Variants in SCLT1 observed in about 807,000 individuals in gnomAD.
SCLT1 encodes sodium channel and clathrin linker 1, also known as sodium channel-associated protein 1.
Under a neutral mutation model 112.8 loss-of-function variants are expected in SCLT1, and 78 were observed. The observed-to-expected ratio is 0.69, with a 90% CI of 0.58 to 0.83. The LOEUF (loss-of-function observed/expected upper bound fraction) is 0.83, where lower values mean the gene tolerates loss of function less well. Among genes scored for constraint, SCLT1 ranks in the 40% least tolerant of loss-of-function variants. The probability of loss-of-function intolerance (pLI) is 0.00; values close to 1 mark genes in which losing one functional copy is unlikely to be tolerated. For synonymous variants in SCLT1, 257 were observed against 254.7 expected (o/e 1.01, Z -0.09); for missense variants, 747 against 770.4 (o/e 0.97, Z 0.36).
chr4:129,092,978 A>G (rs1292610880), intron 1 of SCLT1, 92 bp downstream of exon 1: 4 of 947,148 alleles, frequency 4.2e-6, no homozygotes, highest in Non-Finnish European at 6.9e-6. Context: ...ACCAATTTAA[A>G]TGTACCCAAC....
intron 2 of SCLT1, among the ~76,000 whole-genome samples, chr4:129,068,637 C>T (rs1167135125): frequency 1.3e-5 from 2 of 151,766 alleles, no homozygotes; most frequent in Non-Finnish European, 2.9e-5. Flanking sequence ...CTTTTCTTGC[C>T]CATTTGTTTG....
At chr4:128,911,304 A>C (rs946486904) in intron 18 of SCLT1, among the ~76,000 whole-genome samples, 2 of 152,124 alleles carry the variant, frequency 1.3e-5, no homozygotes, top group African/African-American at 4.8e-5. Flanking sequence ...AATAACAACA[A>C]TCTCTCATTT....
chr4:128,909,857 C>T (rs1393076303), intron 18 of SCLT1, among the ~76,000 whole-genome samples: 3 of 152,114 alleles, frequency 2.0e-5, no homozygotes, highest in African/African-American at 7.2e-5. Context: ...TAAAATATGG[C>T]AGAGAAAAGA....
chr4:128,918,909 A>G (rs1735670655), intron 18 of SCLT1, among the ~76,000 whole-genome samples: 1 of 152,324 alleles, frequency 6.6e-6, no homozygotes, highest in Admixed American at 6.5e-5. Context: ...CTAGCACAGG[A>G]GCACCCAGGT....
intron 5 of SCLT1, among the ~76,000 whole-genome samples, chr4:129,015,527 T>A (rs1049276400): frequency 2.0e-5 from 3 of 152,148 alleles, no homozygotes; most frequent in African/African-American, 7.2e-5. Context: ...CCCCTAGGGC[T>A]TAAGTCTCCT....
chr4:129,082,349 C>G lies in SCLT1; in HGVS notation c.59G>C (p.Arg20Thr), dbSNP rs946175004. Reference sequence around the variant, plus strand: ...GGAAAAACTTTCCATTTGATACCGCCTAAAATCTTCATTTAGTCTTCGATC... The same window carrying G: ...GGAAAAACTTTCCATTTGATACCGCGTAAAATCTTCATTTAGTCTTCGATC... ...EQNRRLNEDF[R>T]RYQMESFSKY... The change falls in exon 2 of 21, where the codon AGG becomes ACG. Residue 20 changes from arginine to threonine, a missense_variant. By Grantham distance (71) the Arg-to-Thr change is moderately conservative. Coordinates refer to ENST00000281142, the MANE Select transcript of SCLT1 (RefSeq NM_144643.4). The G allele has an allele frequency of 3.4e-5, 54 of 1,593,108 alleles. No individual in the cohort carries two copies. Among genetic ancestry groups the G allele is most frequent in the Non-Finnish European group, 4.5e-5 (53 of 1,166,070 alleles).
chr4:129,004,006 TAAAAA>T, intron 5 of SCLT1, 130 bp from the exon 6 acceptor site: 2 of 789,374 alleles, frequency 2.5e-6, no homozygotes, highest in Non-Finnish European at 2.1e-6. Context: ...AGACTTCAAA[TAAAAA>T]ATTAGAAGTG....
Position 128,958,658 on chromosome 4 carries a change from C to G in SCLT1, c.1047+942G>C, listed in dbSNP as rs191735083. Reference sequence around the variant, plus strand: ...AAATTTTTTCTTGACCTTAATTTTTCCAGCTGATTTAGGTATTCGACACAA... The same window carrying G: ...AAATTTTTTCTTGACCTTAATTTTTGCAGCTGATTTAGGTATTCGACACAA... On this transcript the variant is annotated intron_variant, in intron 12 of 20. Coordinates refer to ENST00000281142, the MANE Select transcript of SCLT1 (RefSeq NM_144643.4). 8.0e-4 allele frequency among the ~76,000 whole-genome samples: 121 copies of G among 152,164 alleles called. 1 individual carries two copies. In the Middle Eastern group the frequency reaches 0.031, roughly 38 times the overall value.
chr4:128,952,628 T>C (rs1296209463), intron 14 of SCLT1, 141 bp downstream of exon 14: 27 of 652,784 alleles, frequency 4.1e-5, no homozygotes, highest in South Asian at 3.9e-4. Flanking sequence ...CATGTCTATC[T>C]GGATTTTCAC....
intron 2 of SCLT1, among the ~76,000 whole-genome samples, chr4:129,051,985 C>T (rs189773353): frequency 1.6e-4 from 24 of 152,194 alleles, no homozygotes; most frequent in Non-Finnish European, 2.8e-4. Flanking sequence ...TTGAGATAAT[C>T]GTGTGGTTTT....
rs371595364 is a variant in SCLT1 at position 128,914,267 on chromosome 4, G to A, written c.1829+22388C>T. On this transcript the variant is annotated intron_variant, in intron 18 of 20. Coordinates refer to ENST00000281142, the MANE Select transcript of SCLT1 (RefSeq NM_144643.4). ...TGTAGTCTCAGCTACTCTGGAGGCT[G>A]AGGCAAGAGAATGGCATGAACCCAG... Among the ~76,000 whole-genome samples, 14 of 152,010 alleles carry A rather than the reference G, an allele frequency of 9.2e-5. No individual in the cohort carries two copies. In the East Asian group the frequency reaches 9.7e-4, roughly 10 times the overall value.
Position 128,948,517 on chromosome 4 carries a change from T to C in SCLT1, c.1272A>G (p.Ala424=), listed in dbSNP as rs745745755. 6.2e-7 allele frequency: 1 copy of C among 1,608,690 alleles called. No homozygotes were observed. Among genetic ancestry groups the C allele is most frequent in the Non-Finnish European group, 8.5e-7 (1 of 1,176,606 alleles). Reference sequence around the variant, plus strand: ...TTACCTTTTCTAGTTCTTCTTCCACTGCTTTTTTTTCCTTAATGACTCGTT... The same window carrying C: ...TTACCTTTTCTAGTTCTTCTTCCACCGCTTTTTTTTCCTTAATGACTCGTT... ...QIERVIKEKK[A]VEEELEKIYR... The change falls in exon 15 of 21, where the codon GCA becomes GCG. Residue 424 remains alanine, a synonymous_variant. Transcript: ENST00000281142.
At position 129,014,111 on chromosome 4, in the gene SCLT1, T is replaced by C. The variant is rs74525418; in HGVS notation, c.291-10235A>G. Among the ~76,000 whole-genome samples, 447 of 152,344 alleles carry C rather than the reference T, an allele frequency of 2.9e-3. 3 individuals carry two copies. The highest frequency in any genetic ancestry group is 4.1e-3 in the Non-Finnish European group (279 of 68,032). On this transcript the variant is annotated intron_variant, in intron 5 of 20. Transcript: ENST00000281142. ...ACTTGATCTATTCTGCTTTTAATACTTGTGATTGCATTATAAAATTATTGT... is the reference window on the plus strand; with the variant it reads ...ACTTGATCTATTCTGCTTTTAATACCTGTGATTGCATTATAAAATTATTGT...
At chr4:129,004,286 A>G (rs1743798122) in intron 5 of SCLT1, among the ~76,000 whole-genome samples, 1 of 152,110 alleles carries the variant, frequency 6.6e-6, no homozygotes, top group African/African-American at 2.4e-5. Flanking sequence ...ATTATTTGCT[A>G]TTTTCTTCAG....
Position 128,918,034 on chromosome 4 carries a change from G to T in SCLT1, c.1829+18621C>A, listed in dbSNP as rs79349920. 6.0e-3 allele frequency among the ~76,000 whole-genome samples: 919 copies of T among 152,230 alleles called. 8 individuals carry two copies. Among genetic ancestry groups the T allele is most frequent in the African/African-American group, 0.021 (881 of 41,540 alleles). On this transcript the variant is annotated intron_variant, in intron 18 of 20. Transcript: ENST00000281142. ...TATTCTTCTGTGGCCACAGACCACA[G>T]ATACACCTCAAAATTAACAAAGCCC...
At chr4:128,955,702 C>T (rs1273000956) in intron 13 of SCLT1, among the ~76,000 whole-genome samples, 1 of 152,100 alleles carries the variant, frequency 6.6e-6, no homozygotes, top group African/African-American at 2.4e-5. Context: ...GGGTATTAAA[C>T]TTGTAATTTT....
At chr4:128,896,339 G>A (rs1390746622) in intron 18 of SCLT1, among the ~76,000 whole-genome samples, 1 of 152,096 alleles carries the variant, frequency 6.6e-6, no homozygotes, top group East Asian at 1.9e-4. Flanking sequence ...CCAGAGGAAC[G>A]AACAGGCAGC....
chr4:128,994,870 T>C (rs1352560860), intron 8 of SCLT1, among the ~76,000 whole-genome samples: 2 of 152,118 alleles, frequency 1.3e-5, no homozygotes, highest in Non-Finnish European at 2.9e-5. Context: ...TTTTTTTGTG[T>C]GTCTTTTGTT....
chr4:128,935,384 C>T (rs954105891), intron 18 of SCLT1, among the ~76,000 whole-genome samples: 1 of 151,942 alleles, frequency 6.6e-6, no homozygotes, highest in Non-Finnish European at 1.5e-5. Context: ...ATTCTCAGTC[C>T]TTACCTTACT....
Sources: allele counts gnomAD v4.1 joint callset (sites outside exome capture counted in the v4.1 genomes callset), GRCh38; gene constraint gnomAD v4.1.1; transcripts MANE v1.5; gene names NCBI Gene and HGNC (gene_info 2026-07-23, HGNC 2026-07-21).